Variants in DUSP26 observed in about 807,000 individuals in gnomAD.
DUSP26 encodes the protein dual specificity phosphatase 26.
In DUSP26, 12 loss-of-function variants were observed where a neutral mutation model predicts 20.0. The observed-to-expected ratio is 0.60, with a 90% CI of 0.38 to 0.97. DUSP26 has a LOEUF of 0.97. Ranked by LOEUF, DUSP26 falls within the 50% of genes least tolerant of loss-of-function variation. The pLI is 0.00. For synonymous variants in DUSP26, 120 were observed against 118.8 expected (o/e 1.01, Z -0.06); for missense variants, 230 against 294.0 (o/e 0.78, Z 1.59).
intron 2 of DUSP26, among the ~76,000 whole-genome samples, chr8:33,594,774 AGTGCAAT>A (rs1811103940): frequency 6.6e-6 from 1 of 150,876 alleles, no homozygotes; most frequent in Admixed American, 6.6e-5. Context: ...CCCAGGCTGA[AGTGCAAT>A]GGTGCAATCT....
In DUSP26 at chr8:33,597,431, GAGTTCGAACAGGA is replaced by G; in HGVS notation, c.72_84del (p.Pro25GlufsTer98). ...GTTGGCATCTCCTCCAGGGTCCCTC[GAGTTCGAACAGGA>G]GACCTTGAGCTACTCCGGGAGAAGC... is the stretch of plus-strand genomic sequence containing the variant. On this transcript the variant is annotated frameshift_variant, in exon 2 of 4. Coordinates refer to ENST00000256261, the MANE Select transcript of DUSP26 (RefSeq NM_024025.3). LOFTEE classifies it high-confidence loss of function. 6.2e-7 allele frequency: 1 copy of G among 1,614,104 alleles called. No individual in the cohort carries two copies. The highest frequency in any genetic ancestry group is 8.5e-7 in the Non-Finnish European group (1 of 1,180,036).
intron 3 of DUSP26, 96 bp downstream of exon 3, chr8:33,593,437 G>T: frequency 3.0e-6 from 4 of 1,355,368 alleles, no homozygotes; most frequent in Non-Finnish European, 3.0e-6. Flanking sequence ...TGAGCATTTT[G>T]TCATGTCACT....
chr8:33,597,448 C>T lies in DUSP26; in HGVS notation c.68G>A (p.Arg23Lys). 1 of 1,614,108 alleles carries T rather than the reference C, an allele frequency of 6.2e-7. No individual in the cohort carries two copies. The highest frequency in any genetic ancestry group is 8.5e-7 in the Non-Finnish European group (1 of 1,180,018). The part of the protein sequence containing the change: ...FMARFSRSSS[R>K]SPVRTRGTLE... ...GGTCCCTCGAGTTCGAACAGGAGACCTTGAGCTACTCCGGGAGAAGCGGGC... is the reference window on the plus strand; with the variant it reads ...GGTCCCTCGAGTTCGAACAGGAGACTTTGAGCTACTCCGGGAGAAGCGGGC... Residue 23 changes from arginine to lysine, a missense_variant, in exon 2 of 4, where the codon AGG (arginine) becomes AAG (lysine). By Grantham distance (26) the Arg-to-Lys change is conservative. Transcript: ENST00000256261.
intron 2 of DUSP26, among the ~76,000 whole-genome samples, chr8:33,594,279 T>C (rs1242630791): frequency 6.6e-6 from 1 of 151,394 alleles, no homozygotes; most frequent in African/African-American, 2.4e-5. Flanking sequence ...GGGGATGGGG[T>C]AAAAATAGCC....
intron 1 of DUSP26, among the ~76,000 whole-genome samples, chr8:33,599,351 C>T (rs1260792075): frequency 6.6e-6 from 1 of 152,216 alleles, no homozygotes; most frequent in Non-Finnish European, 1.5e-5. Context: ...GATGCAGAAG[C>T]CCCTTTCTGT....
At position 33,591,931 on chromosome 8, in the gene DUSP26, T is replaced by C. The variant is rs1811028722; in HGVS notation, c.*82A>G. 13 of 1,542,304 alleles carry C rather than the reference T, an allele frequency of 8.4e-6. No homozygotes were observed. The South Asian group carries it at 1.5e-4, about 18-fold the overall frequency. On this transcript the variant is annotated 3_prime_UTR_variant, in exon 4 of 4. Transcript: ENST00000256261. ...AGGATGGGTGATCTGGGCCTCCTGCTACCTGCCACCTGGGCCTCCTATCTC... is the reference window on the plus strand; with the variant it reads ...AGGATGGGTGATCTGGGCCTCCTGCCACCTGCCACCTGGGCCTCCTATCTC...
chr8:33,595,511 G>C (rs971109453), intron 2 of DUSP26, among the ~76,000 whole-genome samples: 1 of 151,886 alleles, frequency 6.6e-6, no homozygotes, highest in African/African-American at 2.4e-5. Context: ...CTCCCGAGTA[G>C]CTGGGATTAC....
In DUSP26 at chr8:33,597,594, G is replaced by A; in HGVS notation, c.-76-3C>T. ...GTTCAGTTGCCAGGTAGCTGCTGCT[G>A]GAAGAGGAAGGGGTGTGAGACACAC... On this transcript the variant is annotated splice_polypyrimidine_tract_variant and splice_region_variant and intron_variant, in intron 1 of 3. Coordinates refer to ENST00000256261, the MANE Select transcript of DUSP26 (RefSeq NM_024025.3). 1 of 1,273,036 alleles carries A rather than the reference G, an allele frequency of 7.9e-7. No individual in the cohort carries two copies. Among genetic ancestry groups the A allele is most frequent in the South Asian group, 1.4e-5 (1 of 71,564 alleles). The allele number at this position is 1,273,036 out of a possible 1,614,324, so 78.9% of individuals were successfully genotyped here. A position where few individuals can be genotyped will look rare whatever the true frequency, so the allele number is the denominator to read the frequency against.
chr8:33,599,551 G>C (rs1189245550), intron 1 of DUSP26, 114 bp downstream of exon 1: 1 of 152,082 alleles, frequency 6.6e-6, no homozygotes, highest in Non-Finnish European at 1.5e-5. Context: ...CTGGCTCGCT[G>C]GGCTCGGGTG....
chr8:33,594,520 A>G (rs1379377232), intron 2 of DUSP26, among the ~76,000 whole-genome samples: 2 of 151,004 alleles, frequency 1.3e-5, no homozygotes, highest in African/African-American at 2.4e-5. Flanking sequence ...TGAACCTGGG[A>G]GGCGGAGCTT....
chr8:33,598,413 G>C (rs566078920), intron 1 of DUSP26, among the ~76,000 whole-genome samples: 8 of 150,036 alleles, frequency 5.3e-5, no homozygotes, highest in Middle Eastern at 3.4e-3. Flanking sequence ...GTCTTGAGGG[G>C]AGGGTGACAG....
rs1333557098 is a variant in DUSP26, at chr8:33,593,519, C to G, written c.436+14G>C. 23 of 1,608,324 alleles carry G rather than the reference C, an allele frequency of 1.4e-5. No individual in the cohort carries two copies. The highest frequency in any genetic ancestry group is 1.8e-5 in the Non-Finnish European group (21 of 1,175,270). ...GCACCCTGTTCTTTCCTGCTCCCAG[C>G]ATTCCCCTCCTACCTCCTGGCTGGC... On this transcript the variant is annotated intron_variant, in intron 3 of 3. Coordinates refer to ENST00000256261, the MANE Select transcript of DUSP26 (RefSeq NM_024025.3).
At chr8:33,597,252 C>G in intron 2 of DUSP26, 43 bp downstream of exon 2, 1 of 1,530,754 alleles carries the variant, frequency 6.5e-7, no homozygotes, top group Non-Finnish European at 8.9e-7. Flanking sequence ...CACACACAAA[C>G]ACACACACGC....
In DUSP26 at chr8:33,597,442, G is replaced by C. The variant is rs759716612; in HGVS notation, c.74C>G (p.Pro25Arg). 1 of 1,614,010 alleles carries C rather than the reference G, an allele frequency of 6.2e-7. No homozygotes were observed. The highest frequency in any genetic ancestry group is 1.3e-5 in the African/African-American group (1 of 74,916). The change falls in exon 2 of 4, where the codon CCT (proline) becomes CGT (arginine). Residue 25 changes from proline to arginine, a missense_variant. Transcript: ENST00000256261. ...CTCCAGGGTCCCTCGAGTTCGAACAGGAGACCTTGAGCTACTCCGGGAGAA... is the reference window on the plus strand; with the variant it reads ...CTCCAGGGTCCCTCGAGTTCGAACACGAGACCTTGAGCTACTCCGGGAGAA... ...ARFSRSSSRSPVRTRGTLEEM... is the reference protein window; with the variant it reads ...ARFSRSSSRSRVRTRGTLEEM...
At chr8:33,593,844 GA>G in intron 2 of DUSP26, 97 bp from the exon 3 acceptor site, 1 of 1,404,836 alleles carries the variant, frequency 7.1e-7, no homozygotes, top group East Asian at 2.4e-5. Flanking sequence ...TCCTATTGTT[GA>G]TTTTTTTTTG....
chr8:33,595,092 C>T (rs1054602429), intron 2 of DUSP26, among the ~76,000 whole-genome samples: 6 of 152,062 alleles, frequency 3.9e-5, no homozygotes, highest in African/African-American at 1.4e-4. Flanking sequence ...GGTGGAGAAC[C>T]TCGAGAGAGA....
chr8:33,597,258 C>T, intron 2 of DUSP26, 37 bp downstream of exon 2: 1 of 1,557,188 alleles, frequency 6.4e-7, no homozygotes, highest in South Asian at 1.2e-5. Context: ...CAAACACACA[C>T]ACGCTCTACC....
chr8:33,597,386 T>C lies in DUSP26; in HGVS notation c.130A>G (p.Asn44Asp), dbSNP rs377115799. The stretch of plus-strand genomic sequence containing the variant: ...AGGAGCCGCTCCAACTCGAAGACAT[T>C]GAGGAAAGGATGTTGAACGGTTGGC... ...EMPTVQHPFLNVFELERLLYT... is the reference protein window; with the variant it reads ...EMPTVQHPFLDVFELERLLYT... The change falls in exon 2 of 4, where the codon AAT becomes GAT. Residue 44 changes from asparagine (N) to aspartate (D), a missense_variant. Asn to Asp is a conservative substitution (Grantham distance 23). Coordinates refer to ENST00000256261, the MANE Select transcript of DUSP26 (RefSeq NM_024025.3). 9.9e-6 allele frequency: 16 copies of C among 1,613,810 alleles called. No individual in the cohort carries two copies. The highest frequency in any genetic ancestry group is 1.6e-4 in the Middle Eastern group (1 of 6,072).
chr8:33,596,667 G>A (rs187648888), intron 2 of DUSP26, among the ~76,000 whole-genome samples: 3 of 152,286 alleles, frequency 2.0e-5, no homozygotes, highest in Non-Finnish European at 4.4e-5. Flanking sequence ...AGAGAAGTGG[G>A]GATGGCTCTT....
Sources: gnomAD v4.1 joint callset for allele counts (sites outside exome capture counted in the v4.1 genomes callset) on GRCh38, gnomAD v4.1.1 for gene constraint, MANE v1.5 for transcripts, NCBI Gene and HGNC (gene_info 2026-07-23, HGNC 2026-07-21) for gene names.